Variants in MALRD1 observed in about 807,000 individuals in gnomAD.
MALRD1 encodes the protein MAM and LDL-receptor class A domain-containing protein 1.
A neutral mutation model predicts 242.1 loss-of-function variants in MALRD1; 247 were observed. The ratio of observed to expected loss-of-function variants is 1.02; its 90% CI spans 0.92 to 1.13. MALRD1 has a LOEUF of 1.13. Among genes scored for constraint, MALRD1 ranks in the 50% most tolerant of loss-of-function variants. MALRD1 has a pLI of 0.00. For missense variants in MALRD1, 2,989 were observed against 2,533.1 expected (o/e 1.18, Z -3.86); for synonymous variants, 995 against 866.6 (o/e 1.15, Z -2.60).
intron 36 of MALRD1, among the ~76,000 whole-genome samples, chr10:19,685,606 G>C (rs1394470904): frequency 6.6e-6 from 1 of 152,054 alleles, no homozygotes; most frequent in Non-Finnish European, 1.5e-5. Context: ...ATGAACTGAT[G>C]GAAAAGTTTG....
chr10:19,455,458 C>A (rs1302835197), intron 29 of MALRD1, among the ~76,000 whole-genome samples: 3 of 152,242 alleles, frequency 2.0e-5, no homozygotes, highest in African/African-American at 7.2e-5. Flanking sequence ...TCCTAGCTTA[C>A]CCATTTGCTA....
At chr10:19,348,207 TG>T (rs1424579506) in intron 25 of MALRD1, among the ~76,000 whole-genome samples, 189 bp downstream of exon 25, 5 of 152,148 alleles carry the variant, frequency 3.3e-5, no homozygotes, top group African/African-American at 9.7e-5. Flanking sequence ...CTATAACTGT[TG>T]GAAGAATTTC....
rs545116345 is a variant in MALRD1, at chr10:19,141,764, T to C, written c.1412-4434T>C. 6.6e-5 allele frequency among the ~76,000 whole-genome samples: 10 copies of C among 152,280 alleles called. No homozygotes were observed. In the East Asian group the frequency reaches 9.7e-4, roughly 15 times the overall value. ...CAATTTTAAATGCTAATATGAATTG[T>C]GTACCTTCACAGGGGACGTTGGTAT... On this transcript the variant is annotated intron_variant, in intron 10 of 39. Coordinates refer to ENST00000454679, the MANE Select transcript of MALRD1 (RefSeq NM_001142308.3).
At chr10:19,519,951 T>G (rs890317365) in intron 31 of MALRD1, among the ~76,000 whole-genome samples, 4 of 152,190 alleles carry the variant, frequency 2.6e-5, no homozygotes, top group Admixed American at 6.5e-5. Flanking sequence ...TAACTAAAGG[T>G]AGATCATTGT....
At chr10:19,617,021 TGAAA>T (rs1472330452) in intron 36 of MALRD1, among the ~76,000 whole-genome samples, 1 of 151,986 alleles carries the variant, frequency 6.6e-6, no homozygotes, top group African/African-American at 2.4e-5. Context: ...TAAAATCTCC[TGAAA>T]GAAGTTTGAA....
intron 38 of MALRD1, among the ~76,000 whole-genome samples, chr10:19,701,913 G>A (rs543428358): frequency 6.6e-6 from 1 of 151,636 alleles, no homozygotes; most frequent in African/African-American, 2.4e-5. Flanking sequence ...CAATAGAGAT[G>A]ATTGTGCTAG....
intron 14 of MALRD1, among the ~76,000 whole-genome samples, chr10:19,189,183 A>G (rs185699572): frequency 6.6e-6 from 1 of 152,132 alleles, no homozygotes; most frequent in Admixed American, 6.6e-5. Context: ...ATATACAAAT[A>G]CATGCCACAA....
chr10:19,253,190 G>A (rs1055091045), intron 18 of MALRD1, among the ~76,000 whole-genome samples: 18 of 151,810 alleles, frequency 1.2e-4, no homozygotes, highest in Admixed American at 6.6e-4. Context: ...AAGAGAGAGC[G>A]TAAGTATTTG....
intron 36 of MALRD1, 67 bp from the exon 37 acceptor site, chr10:19,692,215 G>T: frequency 8.6e-7 from 1 of 1,163,182 alleles, no homozygotes; most frequent in Non-Finnish European, 1.2e-6. Context: ...TTTATCCCAT[G>T]CCAGTTGTGT....
chr10:19,451,257 A>C (rs1835306857), intron 29 of MALRD1, among the ~76,000 whole-genome samples: 1 of 152,194 alleles, frequency 6.6e-6, no homozygotes, highest in Non-Finnish European at 1.5e-5. Context: ...CATCTATAAG[A>C]AATAAATTCA....
At chr10:19,482,652 T>TACACACACACACACACACAC (rs144094060) in intron 29 of MALRD1, among the ~76,000 whole-genome samples, 68 of 136,430 alleles carry the variant, frequency 5.0e-4, no homozygotes, top group East Asian at 5.0e-3. Context: ...TTACAATAGC[T>TACACACACACACACACACAC]ACACACACAC....
chr10:19,331,478 A>T lies in MALRD1; in HGVS notation c.3797A>T (p.Asp1266Val), dbSNP rs7100382. 1.2e-5 allele frequency: 19 copies of T among 1,550,044 alleles called. No individual in the cohort carries two copies. The highest frequency in any genetic ancestry group is 6.9e-5 in the African/African-American group (5 of 72,946). The change falls in exon 24 of 40, where the codon GAT (aspartate) becomes GTT (valine). Residue 1266 changes from aspartate to valine, a missense_variant. By Grantham distance (152) the Asp-to-Val change is radical. Transcript: ENST00000454679. The part of the protein sequence containing the change: ...PLLSPERKCT[D>V]HEFMCANKHC... Reference sequence around the variant, plus strand: ...CTTAGCCCAGAGAGAAAGTGTACTGATCATGAATTCATGTGTGCTAATAAG... The same window carrying T: ...CTTAGCCCAGAGAGAAAGTGTACTGTTCATGAATTCATGTGTGCTAATAAG...
intron 32 of MALRD1, among the ~76,000 whole-genome samples, chr10:19,563,341 GA>G (rs1320740216): frequency 1.2e-4 from 19 of 152,114 alleles, no homozygotes; most frequent in African/African-American, 4.1e-4. Flanking sequence ...TATTACTTTA[GA>G]TTTTTTTCTT....
intron 32 of MALRD1, among the ~76,000 whole-genome samples, chr10:19,548,839 C>T (rs1402273576): frequency 6.6e-6 from 1 of 152,098 alleles, no homozygotes; most frequent in East Asian, 1.9e-4. Context: ...CAGCACTTCT[C>T]CTACTTTAAA....
chr10:19,332,904 C>T (rs1588924460), intron 24 of MALRD1, among the ~76,000 whole-genome samples: 2 of 152,060 alleles, frequency 1.3e-5, no homozygotes, highest in Non-Finnish European at 2.9e-5. Flanking sequence ...TTTAAGTTCT[C>T]GGGTACATGT....
At position 19,167,755 on chromosome 10, in the gene MALRD1, A is replaced by G. The variant is rs575005246; in HGVS notation, c.1830+1945A>G. Among the ~76,000 whole-genome samples, 126 of 152,122 alleles carry G rather than the reference A, an allele frequency of 8.3e-4. No homozygotes were observed. The South Asian group carries it at 0.017, about 21-fold the overall frequency. ...TTGAATGGGAGAAGAGGATGAATCG[A>G]GCTCCCCCAGGTTACTCTTCTAACT... is the stretch of plus-strand genomic sequence containing the variant. On this transcript the variant is annotated intron_variant, in intron 13 of 39. Coordinates refer to ENST00000454679, the MANE Select transcript of MALRD1 (RefSeq NM_001142308.3).
At chr10:19,602,078 G>A (rs752931469) in intron 34 of MALRD1, among the ~76,000 whole-genome samples, 4 of 149,934 alleles carry the variant, frequency 2.7e-5, no homozygotes, top group Non-Finnish European at 4.4e-5. Context: ...GCTTTATTGC[G>A]CTTCACGGAT....
intron 28 of MALRD1, among the ~76,000 whole-genome samples, chr10:19,415,167 A>G (rs1421009061): frequency 6.6e-6 from 1 of 152,188 alleles, no homozygotes; most frequent in East Asian, 1.9e-4. Flanking sequence ...GGACAGACAA[A>G]ATAATCTTTA....
rs972530258 is a variant in MALRD1 at position 19,209,323 on chromosome 10, A to G, written c.2634A>G (p.Ala878=). Residue 878 remains alanine (A), a synonymous_variant, in exon 18 of 40, where the codon GCA becomes GCG. Transcript: ENST00000454679. The part of the protein sequence containing the change: ...ETGICNWEQD[A]KDDFDWTRSQ... ...GAATCTGTAACTGGGAACAAGATGC[A>G]AAAGATGACTTTGATTGGACCAGGA... The G allele has an allele frequency of 1.3e-6, 2 of 1,549,744 alleles. No individual in the cohort carries two copies. Among genetic ancestry groups the G allele is most frequent in the Non-Finnish European group, 1.7e-6 (2 of 1,146,692 alleles).
Sources: gnomAD v4.1 joint callset for allele counts (sites outside exome capture counted in the v4.1 genomes callset) on GRCh38, gnomAD v4.1.1 for gene constraint, MANE v1.5 for transcripts, NCBI Gene and HGNC (gene_info 2026-07-23, HGNC 2026-07-21) for gene names.